Variants in GULP1 observed in about 807,000 individuals in gnomAD.
GULP1 encodes the protein PTB domain-containing engulfment adapter protein 1.
GULP1 carries 19 observed loss-of-function variants against 40.9 expected under a neutral mutation model. That is an observed-to-expected ratio of 0.46 (90% CI 0.32 to 0.68). The LOEUF (loss-of-function observed/expected upper bound fraction) is 0.68. GULP1 is among the 30% of genes least tolerant of loss of function. The pLI, the probability that GULP1 is intolerant of heterozygous loss-of-function variation, is 0.03. For missense variants in GULP1, 312 were observed against 362.2 expected, an observed-to-expected ratio of 0.86 and a Z score of 1.12; for synonymous variants, 119 against 117.6, an observed-to-expected ratio of 1.01 and a Z score of -0.08.
intron 1 of GULP1, among the ~76,000 whole-genome samples, chr2:188,324,777 G>A (rs896783905): frequency 7.2e-5 from 11 of 151,844 alleles, no homozygotes; most frequent in Non-Finnish European, 1.3e-4. Context: ...ATTACACTCT[G>A]AGTAAAATAA....
intron 4 of GULP1, among the ~76,000 whole-genome samples, chr2:188,516,274 G>T (rs1048301013): frequency 6.6e-6 from 1 of 152,072 alleles, no homozygotes; most frequent in Non-Finnish European, 1.5e-5. Context: ...TGGAAACTTG[G>T]TTCAAAATTA....
At chr2:188,460,659 T>C (rs963734469) in intron 2 of GULP1, among the ~76,000 whole-genome samples, 3 of 152,214 alleles carry the variant, frequency 2.0e-5, no homozygotes, top group African/African-American at 7.2e-5. Context: ...TCTTGTCTGA[T>C]TTCTCCAGCT....
chr2:188,487,047 A>G (rs1197422029), intron 4 of GULP1, among the ~76,000 whole-genome samples: 1 of 151,966 alleles, frequency 6.6e-6, no homozygotes, highest in African/African-American at 2.4e-5. Context: ...TTCTATTGCT[A>G]CTATAATTAG....
chr2:188,501,609 T>A (rs563756974), intron 4 of GULP1, among the ~76,000 whole-genome samples: 1 of 152,030 alleles, frequency 6.6e-6, no homozygotes, highest in East Asian at 1.9e-4. Flanking sequence ...CTAAGACCTT[T>A]GTTTCAATGT....
chr2:188,358,776 A>G (rs539240325), intron 1 of GULP1, among the ~76,000 whole-genome samples: 1 of 152,266 alleles, frequency 6.6e-6, no homozygotes, highest in South Asian at 2.1e-4. Context: ...TTAAATAAAA[A>G]TAAGCTTGCT....
intron 1 of GULP1, among the ~76,000 whole-genome samples, chr2:188,337,430 G>A (rs1017810791): frequency 2.0e-5 from 3 of 149,558 alleles, no homozygotes; most frequent in African/African-American, 7.4e-5. Flanking sequence ...GTGAGCCACC[G>A]CGCCCGGCCC....
At chr2:188,349,108 A>G (rs1331510944) in intron 1 of GULP1, among the ~76,000 whole-genome samples, 1 of 152,232 alleles carries the variant, frequency 6.6e-6, no homozygotes, top group African/African-American at 2.4e-5. Context: ...ATGTCTCTAC[A>G]AATGCATCAT....
intron 1 of GULP1, among the ~76,000 whole-genome samples, chr2:188,345,556 G>C (rs1049844186): frequency 6.6e-6 from 1 of 152,152 alleles, no homozygotes; most frequent in African/African-American, 2.4e-5. Flanking sequence ...AGAGTTTGAG[G>C]GTTATTGTTG....
chr2:188,400,620 A>G (rs2052097128), intron 2 of GULP1, among the ~76,000 whole-genome samples: 2 of 152,224 alleles, frequency 1.3e-5, no homozygotes, highest in Non-Finnish European at 2.9e-5. Flanking sequence ...TGTGTTTTAC[A>G]AAGATCATAT....
chr2:188,540,453 T>C lies in GULP1; in HGVS notation c.262-728T>C, dbSNP rs552401042. 7.2e-4 allele frequency among the ~76,000 whole-genome samples: 108 copies of C among 150,660 alleles called. No homozygotes were observed. The East Asian group carries it at 0.01, about 14-fold the overall frequency. ...AATTTAATATGTGTGTGTGTGTGTG[T>C]GCGTGTGTAAATATATGCTGCAACT... On this transcript the variant is annotated intron_variant, in intron 6 of 11. Coordinates refer to ENST00000409830, the MANE Select transcript of GULP1 (RefSeq NM_016315.4).
chr2:188,498,185 C>T (rs991402944), intron 4 of GULP1, among the ~76,000 whole-genome samples: 2 of 151,850 alleles, frequency 1.3e-5, no homozygotes, highest in African/African-American at 4.8e-5. Flanking sequence ...CAGAGACATA[C>T]CAGAACTTGA....
chr2:188,464,639 G>A (rs2059970146), intron 2 of GULP1, among the ~76,000 whole-genome samples: 1 of 152,182 alleles, frequency 6.6e-6, no homozygotes, highest in African/African-American at 2.4e-5. Flanking sequence ...GTGCCACCTG[G>A]GAGCCAGGGA....
At chr2:188,484,918 G>C (rs73042403) in intron 4 of GULP1, among the ~76,000 whole-genome samples, 1,936 of 152,120 alleles carry the variant, frequency 0.013, 41 homozygotes, top group African/African-American at 0.044. Flanking sequence ...TAACATAAAG[G>C]CTGATTGCCC....
intron 2 of GULP1, among the ~76,000 whole-genome samples, chr2:188,386,190 G>A (rs1414320646): frequency 1.3e-5 from 2 of 152,160 alleles, no homozygotes; most frequent in Non-Finnish European, 2.9e-5. Flanking sequence ...CATGGAAGAA[G>A]GTGAAAGGCA....
intron 1 of GULP1, among the ~76,000 whole-genome samples, chr2:188,378,728 T>A (rs190151183): frequency 9.9e-5 from 15 of 152,152 alleles, no homozygotes; most frequent in Non-Finnish European, 8.8e-5. Context: ...AACTCACTCA[T>A]TACCACCAGG....
intron 2 of GULP1, among the ~76,000 whole-genome samples, chr2:188,464,591 G>A (rs903511265): frequency 2.0e-5 from 3 of 152,172 alleles, no homozygotes; most frequent in African/African-American, 4.8e-5. Context: ...CTTTCCTTTA[G>A]GGCAGTGAGT....
intron 8 of GULP1, chr2:188,569,706 C>A (rs1464161919): frequency 2.8e-6 from 1 of 353,120 alleles, no homozygotes. Context: ...CTCCACTCTT[C>A]AAAATCATCA....
chr2:188,311,228 G>A (rs563693199), intron 1 of GULP1, among the ~76,000 whole-genome samples: 3 of 151,492 alleles, frequency 2.0e-5, no homozygotes, highest in East Asian at 3.9e-4. Context: ...TCGGAGTCTC[G>A]CTCTGTTGCA....
intron 4 of GULP1, among the ~76,000 whole-genome samples, chr2:188,513,587 T>C (rs2064835601): frequency 6.6e-6 from 1 of 152,190 alleles, no homozygotes; most frequent in Admixed American, 6.5e-5. Flanking sequence ...AGTTGATGCT[T>C]ATTTTCATTG....
Sources: allele counts gnomAD v4.1 joint callset (sites outside exome capture counted in the v4.1 genomes callset), GRCh38; gene constraint gnomAD v4.1.1; transcripts MANE v1.5; gene names NCBI Gene and HGNC (gene_info 2026-07-23, HGNC 2026-07-21).